Variants in RNF13 observed in about 807,000 individuals in gnomAD.
The protein encoded by RNF13 is ring finger protein 13, also known as E3 ubiquitin-protein ligase RNF13.
In RNF13, 19 loss-of-function variants were observed where a neutral mutation model predicts 37.7. The ratio of observed to expected loss-of-function variants is 0.50; its 90% confidence interval spans 0.35 to 0.74. The LOEUF is 0.74. Among genes scored for constraint, RNF13 ranks in the 30% least tolerant of loss-of-function variants. RNF13 has a pLI of 0.01. For synonymous variants in RNF13, 144 were observed against 157.8 expected, an observed-to-expected ratio of 0.91 and a Z score of 0.65; for missense variants, 375 against 453.0, an observed-to-expected ratio of 0.83 and a Z score of 1.56.
chr3:149,941,399 T>C (rs1159142614), intron 8 of RNF13, among the ~76,000 whole-genome samples: 1 of 152,152 alleles, frequency 6.6e-6, no homozygotes, highest in Non-Finnish European at 1.5e-5. Context: ...TATGAGTCGA[T>C]ATCTCATTGT....
chr3:149,853,716 T>A, intron 3 of RNF13, among the ~76,000 whole-genome samples: 1 of 152,008 alleles, frequency 6.6e-6, no homozygotes, highest in South Asian at 2.1e-4. Context: ...CCTCTGGGGG[T>A]TAGAAAGTCC....
At chr3:149,866,863 A>T (rs1711498053) in intron 3 of RNF13, among the ~76,000 whole-genome samples, 2 of 151,978 alleles carry the variant, frequency 1.3e-5, no homozygotes, top group African/African-American at 4.8e-5. Context: ...TCTTCTTGTT[A>T]TTGTAGTCTA....
intron 3 of RNF13, among the ~76,000 whole-genome samples, chr3:149,859,217 A>G (rs1378925015): frequency 6.6e-6 from 1 of 152,200 alleles, no homozygotes; most frequent in African/African-American, 2.4e-5. Context: ...TAAATAAAGA[A>G]ATAGCATTGT....
chr3:149,905,520 T>A (rs1716300363), intron 6 of RNF13, among the ~76,000 whole-genome samples: 1 of 151,986 alleles, frequency 6.6e-6, no homozygotes, highest in South Asian at 2.1e-4. Context: ...TTTTGTATTT[T>A]GAAATTTTTA....
intron 8 of RNF13, among the ~76,000 whole-genome samples, chr3:149,956,753 T>A (rs1389351573): frequency 6.6e-6 from 1 of 152,206 alleles, no homozygotes; most frequent in Non-Finnish European, 1.5e-5. Context: ...ACTTCTGACA[T>A]CTTATCCACT....
At chr3:149,839,274 C>T (rs1184023926) in intron 1 of RNF13, among the ~76,000 whole-genome samples, 1 of 24,668 alleles carries the variant, frequency 4.1e-5, no homozygotes. Flanking sequence ...CTGAGCCCTC[C>T]AAACTGTTCC....
At chr3:149,827,390 A>G (rs1036499412) in intron 1 of RNF13, among the ~76,000 whole-genome samples, 5 of 152,160 alleles carry the variant, frequency 3.3e-5, no homozygotes, top group African/African-American at 9.7e-5. Flanking sequence ...GACACCGAGG[A>G]TGACTGTATA....
chr3:149,939,837 A>G lies in RNF13; in HGVS notation c.700+18610A>G, dbSNP rs937208563. 2.3e-5 allele frequency: 12 copies of G among 513,628 alleles called. 1 individual carries two copies. Among genetic ancestry groups the G allele is most frequent in the African/African-American group, 7.7e-5 (4 of 52,076 alleles). 31.8% of individuals were successfully genotyped at this position (513,628 alleles called of 1,614,324 possible). A position where few individuals can be genotyped will look rare whatever the true frequency, so the allele number is the denominator to read the frequency against. ...CACTTAGGTGGGAGAGAAGGTGGAC[A>G]GAGATAAACGACTGCTGCTCCAGAG... On this transcript the variant is annotated intron_variant, in intron 8 of 9. Coordinates refer to ENST00000392894, the MANE Select transcript of RNF13 (RefSeq NM_183381.3).
At chr3:149,832,736 TA>T (rs1299127964) in intron 1 of RNF13, among the ~76,000 whole-genome samples, 2 of 152,148 alleles carry the variant, frequency 1.3e-5, no homozygotes, top group African/African-American at 4.8e-5. Flanking sequence ...AAAAGGATTG[TA>T]AAAGTACTAT....
rs759934563 is a variant in RNF13, at chr3:149,960,939, G to A, written c.981G>A (p.Ser327=). Residue 327 remains serine, a synonymous_variant, in exon 10 of 10, where the codon TCG becomes TCA. Coordinates refer to ENST00000392894, the MANE Select transcript of RNF13 (RefSeq NM_183381.3). Reference sequence around the variant, plus strand: ...GTGCCCAGTCATTTGGGGCTTTATCGGAATCCCGCTCACATCAGAACATGA... The same window carrying A: ...GTGCCCAGTCATTTGGGGCTTTATCAGAATCCCGCTCACATCAGAACATGA... ...SVSAQSFGAL[S]ESRSHQNMTE... 33 of 1,614,050 alleles carry A rather than the reference G, an allele frequency of 2.0e-5. No homozygotes were observed. The highest frequency in any genetic ancestry group is 2.3e-5 in the Non-Finnish European group (27 of 1,180,028).
At chr3:149,850,488 C>A (rs1348712449) in intron 2 of RNF13, among the ~76,000 whole-genome samples, 1 of 152,168 alleles carries the variant, frequency 6.6e-6, no homozygotes, top group African/African-American at 2.4e-5. Context: ...AAAAGGGTTT[C>A]ATTCAGTAAC....
At chr3:149,912,950 A>G (rs955002497) in intron 7 of RNF13, among the ~76,000 whole-genome samples, 1 of 152,162 alleles carries the variant, frequency 6.6e-6, no homozygotes, top group Admixed American at 6.5e-5. Flanking sequence ...AAGCAGTTTG[A>G]AAATCCCTCT....
At chr3:149,951,104 G>C (rs950825309) in intron 8 of RNF13, among the ~76,000 whole-genome samples, 1 of 152,132 alleles carries the variant, frequency 6.6e-6, no homozygotes, top group African/African-American at 2.4e-5. Flanking sequence ...ACTCAAAAAA[G>C]CACTGGGTCC....
intron 8 of RNF13, among the ~76,000 whole-genome samples, chr3:149,925,911 G>T (rs1359799969): frequency 1.3e-5 from 2 of 152,080 alleles, no homozygotes; most frequent in African/African-American, 4.8e-5. Context: ...TAGCATTCTG[G>T]TGGGTTTATA....
intron 4 of RNF13, among the ~76,000 whole-genome samples, chr3:149,889,292 CGTGTGTGTGTGTGTGTGTGT>C (rs376618726): frequency 7.2e-6 from 1 of 138,122 alleles, no homozygotes; most frequent in Non-Finnish European, 1.5e-5. Context: ...TTTGAGTGTG[CGTGTGTGTGTGTGTGTGTGT>C]GTGTGTGTGT....
chr3:149,927,608 C>T (rs759410695), intron 8 of RNF13, among the ~76,000 whole-genome samples: 18 of 152,196 alleles, frequency 1.2e-4, no homozygotes, highest in Admixed American at 2.6e-4. Context: ...TATTTCTCCA[C>T]ATCCTTGTCA....
At chr3:149,940,809 A>G (rs1339806251) in intron 8 of RNF13, among the ~76,000 whole-genome samples, 2 of 152,120 alleles carry the variant, frequency 1.3e-5, no homozygotes, top group African/African-American at 4.8e-5. Context: ...TTCATCTTAT[A>G]ACACTAAGAC....
intron 8 of RNF13, chr3:149,939,704 T>A (rs1222734465): frequency 2.5e-6 from 2 of 806,110 alleles, no homozygotes; most frequent in Non-Finnish European, 4.1e-6. Context: ...TTATTCACCT[T>A]AAAGTGATAA....
At chr3:149,938,222 G>T (rs1020619148) in intron 8 of RNF13, among the ~76,000 whole-genome samples, 3 of 151,760 alleles carry the variant, frequency 2.0e-5, no homozygotes, top group South Asian at 2.1e-4. Context: ...CTGTTGCCCA[G>T]GCTGGAGTGC....
Sources: allele counts gnomAD v4.1 joint callset (sites outside exome capture counted in the v4.1 genomes callset), GRCh38; gene constraint gnomAD v4.1.1; transcripts MANE v1.5; gene names NCBI Gene and HGNC (gene_info 2026-07-23, HGNC 2026-07-21).